Variants in ZRANB3 observed in about 807,000 individuals in gnomAD.
ZRANB3 encodes DNA annealing helicase and endonuclease ZRANB3.
A neutral mutation model predicts 133.8 loss-of-function variants in ZRANB3; 125 were observed. The ratio of observed to expected loss-of-function variants is 0.93; its 90% CI spans 0.81 to 1.08. ZRANB3 has a LOEUF of 1.08. ZRANB3 is among the 50% of genes least tolerant of loss of function. The pLI, the probability that ZRANB3 is intolerant of heterozygous loss-of-function variation, is 0.00. For missense variants in ZRANB3, 1,229 were observed against 1,275.5 expected (o/e 0.96, Z 0.56); for synonymous variants, 387 against 432.7 (o/e 0.89, Z 1.31).
chr2:135,453,366 C>T (rs187715233), intron 2 of ZRANB3, among the ~76,000 whole-genome samples: 2 of 152,350 alleles, frequency 1.3e-5, no homozygotes, highest in African/African-American at 4.8e-5. Flanking sequence ...CTCCTTGCTA[C>T]TTATGCAAAT....
chr2:135,320,073 A>C (rs1395793956), intron 6 of ZRANB3, among the ~76,000 whole-genome samples: 1 of 152,082 alleles, frequency 6.6e-6, no homozygotes, highest in East Asian at 1.9e-4. Flanking sequence ...TATGTTGCCC[A>C]GGCTAGAATA....
At position 135,339,411 on chromosome 2, in the gene ZRANB3, A is replaced by C. The variant is rs571352718; in HGVS notation, c.677+6139T>G. On this transcript the variant is annotated intron_variant, in intron 6 of 20. Coordinates refer to ENST00000264159, the MANE Select transcript of ZRANB3 (RefSeq NM_032143.4). ...ACAGCAAGACTCCATCTGAAAAAAA[A>C]AACAACAAAAAAAACAAAGAATTAG... Among the ~76,000 whole-genome samples the C allele has an allele frequency of 8.5e-5, 13 of 152,088 alleles. No homozygotes were observed. The East Asian group carries it at 2.1e-3, about 25-fold the overall frequency.
At chr2:135,376,946 GGGAATAAGGTGCTGA>G (rs1686455934) in intron 3 of ZRANB3, among the ~76,000 whole-genome samples, 1 of 152,184 alleles carries the variant, frequency 6.6e-6, no homozygotes, top group African/African-American at 2.4e-5. Flanking sequence ...GAGGATGTGG[GGGAATAAGGTGCTGA>G]CCTGAGTAAC....
intron 7 of ZRANB3, 129 bp downstream of exon 7, chr2:135,315,230 G>T: frequency 1.2e-6 from 1 of 866,808 alleles, no homozygotes; most frequent in Non-Finnish European, 1.5e-6. Context: ...CAATGTATAG[G>T]CTCTATTAAT....
At chr2:135,439,521 A>G (rs936715662) in intron 2 of ZRANB3, among the ~76,000 whole-genome samples, 6 of 152,170 alleles carry the variant, frequency 3.9e-5, no homozygotes, top group Admixed American at 3.9e-4. Context: ...ATTTTGGTCC[A>G]CTTCCAGCAC....
At chr2:135,286,371 A>T (rs1325508460) in intron 8 of ZRANB3, among the ~76,000 whole-genome samples, 3 of 152,140 alleles carry the variant, frequency 2.0e-5, no homozygotes, top group African/African-American at 7.2e-5. Context: ...TCCACATCCC[A>T]GGTTCACGCA....
intron 2 of ZRANB3, among the ~76,000 whole-genome samples, chr2:135,499,237 A>G (rs1245760417): frequency 6.6e-6 from 1 of 152,180 alleles, no homozygotes; most frequent in African/African-American, 2.4e-5. Context: ...AAAAGGACCC[A>G]TGTTGAATAC....
At chr2:135,403,347 C>G (rs888017833) in intron 2 of ZRANB3, among the ~76,000 whole-genome samples, 1 of 152,224 alleles carries the variant, frequency 6.6e-6, no homozygotes, top group Non-Finnish European at 1.5e-5. Context: ...CACAGAGCCT[C>G]GCTCATTGCT....
chr2:135,328,871 G>C (rs932341922), intron 6 of ZRANB3, among the ~76,000 whole-genome samples: 1 of 152,202 alleles, frequency 6.6e-6, no homozygotes, highest in Non-Finnish European at 1.5e-5. Context: ...CTTTTGAGAA[G>C]TGTCTGTTCA....
intron 2 of ZRANB3, among the ~76,000 whole-genome samples, chr2:135,487,424 A>G (rs1692172246): frequency 6.6e-6 from 1 of 152,232 alleles, no homozygotes; most frequent in South Asian, 2.1e-4. Flanking sequence ...CTATCTTTTG[A>G]AGTTTTTAAG....
At chr2:135,404,828 C>G (rs552040755) in intron 2 of ZRANB3, among the ~76,000 whole-genome samples, 1 of 152,118 alleles carries the variant, frequency 6.6e-6, no homozygotes, top group African/African-American at 2.4e-5. Context: ...ATTTTCAACC[C>G]AGAATTTCAT....
intron 15 of ZRANB3, among the ~76,000 whole-genome samples, chr2:135,223,368 C>A (rs180777415): frequency 0.011 from 1,668 of 151,272 alleles, 18 homozygotes; most frequent in Middle Eastern, 0.037. Flanking sequence ...TTTTGTCACC[C>A]AGGCTGGAGT....
intron 3 of ZRANB3, among the ~76,000 whole-genome samples, chr2:135,379,874 TAA>T (rs201466814): frequency 0.032 from 4,845 of 152,078 alleles, 249 homozygotes; most frequent in African/African-American, 0.11. Context: ...GCAAATTGGA[TAA>T]AGAGTCAAGA....
At chr2:135,504,169 G>C in intron 2 of ZRANB3, 160 bp downstream of exon 2, 1 of 783,650 alleles carries the variant, frequency 1.3e-6, no homozygotes, top group Non-Finnish European at 2.2e-6. Context: ...TCAACATGAA[G>C]TATAAGTCAA....
intron 6 of ZRANB3, 84 bp downstream of exon 6, chr2:135,345,466 C>T: frequency 9.9e-7 from 1 of 1,008,246 alleles, no homozygotes; most frequent in Non-Finnish European, 1.5e-6. Context: ...GAGACTCTGT[C>T]TCAAAAAAAA....
chr2:135,384,640 C>T (rs1480860394), intron 3 of ZRANB3, among the ~76,000 whole-genome samples: 14 of 152,168 alleles, frequency 9.2e-5, no homozygotes, highest in Non-Finnish European at 1.0e-4. Context: ...AAAAGCTTAT[C>T]CACCATGATC....
intron 1 of ZRANB3, chr2:135,511,028 T>G: frequency 1.3e-6 from 1 of 779,990 alleles, no homozygotes; most frequent in Non-Finnish European, 2.4e-6. Context: ...TTCTTCGTTG[T>G]TCTCACATCC....
At chr2:135,485,331 G>A (rs1038722860) in intron 2 of ZRANB3, among the ~76,000 whole-genome samples, 14 of 152,158 alleles carry the variant, frequency 9.2e-5, no homozygotes, top group African/African-American at 2.9e-4. Context: ...TCTGGGTGCA[G>A]GAGAAGAGAA....
At chr2:135,319,114 T>G (rs1002113665) in intron 6 of ZRANB3, among the ~76,000 whole-genome samples, 8 of 152,212 alleles carry the variant, frequency 5.3e-5, no homozygotes, top group African/African-American at 1.9e-4. Context: ...ACTGACAGAA[T>G]TGGCCAGTAA....
Sources: allele counts gnomAD v4.1 joint callset (sites outside exome capture counted in the v4.1 genomes callset), GRCh38; gene constraint gnomAD v4.1.1; transcripts MANE v1.5; gene names NCBI Gene and HGNC (gene_info 2026-07-23, HGNC 2026-07-21).